The following AIPL1 variants were observed in gnomAD, a reference collection of about 807,000 sequenced individuals.
The protein encoded by AIPL1 is AIP like 1 HSP90 co-chaperone.
AIPL1 carries 23 observed loss-of-function variants against 32.9 expected under a neutral mutation model. The ratio of observed to expected loss-of-function variants is 0.70; its 90% CI spans 0.50 to 0.99. The LOEUF is 0.99. Ranked by LOEUF, AIPL1 falls within the 50% of genes least tolerant of loss-of-function variation. AIPL1 has a pLI of 0.00. For missense variants in AIPL1, 485 were observed against 506.0 expected (o/e 0.96, Z 0.40); for synonymous variants, 210 against 209.4 (o/e 1.00, Z -0.02).
At position 6,425,488 on chromosome 17, in the gene AIPL1, G is replaced by C. The variant is rs1333977042; in HGVS notation, c.1127C>G (p.Pro376Arg). The C allele has an allele frequency of 2.5e-6, 4 of 1,604,696 alleles. No homozygotes were observed. Among genetic ancestry groups the C allele is most frequent in the Non-Finnish European group, 2.5e-6 (3 of 1,177,926 alleles). ...PPAEPATEPP[P>R]SPGHSLQH ...GTGCTGCAGCGAGTGCCCTGGGGAC[G>C]GGGGTGGCTCTGTGGCTGGCTCTGC... The change falls in exon 6 of 6, where the codon CCG (proline) becomes CGG (arginine). Residue 376 changes from proline (P) to arginine (R), a missense_variant. Pro to Arg is a moderately radical substitution (Grantham distance 103). Coordinates refer to ENST00000381129, the MANE Select transcript of AIPL1 (RefSeq NM_014336.5).
intron 1 of AIPL1, 188 bp downstream of exon 1, chr17:6,434,821 G>T: frequency 9.6e-7 from 1 of 1,042,074 alleles, no homozygotes; most frequent in Non-Finnish European, 1.4e-6. Flanking sequence ...TGCTAAAGTT[G>T]AATCTGCAAA....
At chr17:6,432,110 C>CGTG (rs1912657153) in intron 2 of AIPL1, among the ~76,000 whole-genome samples, 1 of 152,144 alleles carries the variant, frequency 6.6e-6, no homozygotes, top group Admixed American at 6.5e-5. Flanking sequence ...GGAGGCCGAG[C>CGTG]GTGGTGGCTC....
In AIPL1 at chr17:6,429,148, G is replaced by A. The variant is rs78497296; in HGVS notation, c.277-642C>T. Among the ~76,000 whole-genome samples, 667 of 152,322 alleles carry A rather than the reference G, an allele frequency of 4.4e-3. 2 individuals are homozygous for A. The highest frequency in any genetic ancestry group is 8.0e-3 in the Admixed American group (123 of 15,306). Reference sequence around the variant, plus strand: ...GGCTCATCACAGCTTCAGCCAGCATGGGAGCTGAGTTTGCCACCCTTGGGA... The same window carrying A: ...GGCTCATCACAGCTTCAGCCAGCATAGGAGCTGAGTTTGCCACCCTTGGGA... On this transcript the variant is annotated intron_variant, in intron 2 of 5. Coordinates refer to ENST00000381129, the MANE Select transcript of AIPL1 (RefSeq NM_014336.5).
chr17:6,429,452 G>A (rs980201524), intron 2 of AIPL1, among the ~76,000 whole-genome samples: 6 of 152,208 alleles, frequency 3.9e-5, no homozygotes, highest in Non-Finnish European at 4.4e-5. Flanking sequence ...CCTCTTTATG[G>A]AAGAGACAAG....
chr17:6,432,094 AAAG>A (rs1220827406), intron 2 of AIPL1, among the ~76,000 whole-genome samples: 2 of 152,324 alleles, frequency 1.3e-5, no homozygotes, highest in East Asian at 3.9e-4. Context: ...GAAAAGAAGA[AAAG>A]AAGGAGGCCG....
In AIPL1 at chr17:6,428,498, C is replaced by A; in HGVS notation, c.285G>T (p.Gly95=). The part of the protein sequence containing the change: ...AEFWCDTIHT[G]VYPILSRSLR... ...GGCTCCGGGATAGGATGGGGTAGACCCCCGTGTGCTGTGGGGATAAACGGA... is the reference window on the plus strand; with the variant it reads ...GGCTCCGGGATAGGATGGGGTAGACACCCGTGTGCTGTGGGGATAAACGGA... Residue 95 remains glycine (G), a synonymous_variant, in exon 3 of 6, where the codon GGG becomes GGT. Coordinates refer to ENST00000381129, the MANE Select transcript of AIPL1 (RefSeq NM_014336.5). The A allele has an allele frequency of 6.2e-7, 1 of 1,613,926 alleles. No individual in the cohort carries two copies.
intron 1 of AIPL1, among the ~76,000 whole-genome samples, chr17:6,434,675 G>A (rs1054349561): frequency 2.6e-5 from 4 of 152,108 alleles, no homozygotes; most frequent in African/African-American, 9.7e-5. Flanking sequence ...GAATTCTGTA[G>A]CCACAGACGC....
In AIPL1 at chr17:6,428,402, G is replaced by A. The variant is rs147264906; in HGVS notation, c.381C>T (p.Phe127=). 2.9e-5 allele frequency: 46 copies of A among 1,613,110 alleles called. No individual in the cohort carries two copies. Among genetic ancestry groups the A allele is most frequent in the African/African-American group, 5.3e-5 (4 of 74,938 alleles). ...CCTCGTAGCCCAGCGTGTGGTAGGC[G>A]AACATGTTGGCCAGCCCGCACGTGT... is the stretch of plus-strand genomic sequence containing the variant. ...HVHTCGLANM[F]AYHTLGYEDL... The change falls in exon 3 of 6, where the codon TTC becomes TTT. Residue 127 remains phenylalanine, a synonymous_variant. Transcript: ENST00000381129.
rs773387922 is a variant in AIPL1 at position 6,435,055 on chromosome 17, A to G, written c.50T>C (p.Leu17Pro). The G allele has an allele frequency of 6.2e-7, 1 of 1,614,234 alleles. No homozygotes were observed. ...TGGGAGCTCGCCCGTGCCCCCGTGCAGAATGGTTTTCTTGACCCCTTCCAC... is the reference window on the plus strand; with the variant it reads ...TGGGAGCTCGCCCGTGCCCCCGTGCGGAATGGTTTTCTTGACCCCTTCCAC... ...LNVEGVKKTI[L>P]HGGTGELPNF... Residue 17 changes from leucine (L) to proline (P), a missense_variant, in exon 1 of 6, where the codon CTG becomes CCG. By Grantham distance (98) the Leu-to-Pro change is moderately conservative. Transcript: ENST00000381129.
intron 2 of AIPL1, among the ~76,000 whole-genome samples, chr17:6,433,611 TCA>T (rs541117064): frequency 0.014 from 1,442 of 106,060 alleles, 25 homozygotes; most frequent in East Asian, 0.077. Context: ...TCTCTCTCTC[TCA>T]CACACACACA....
intron 5 of AIPL1, 59 bp downstream of exon 5, chr17:6,426,556 T>A: frequency 6.4e-7 from 1 of 1,566,726 alleles, no homozygotes; most frequent in Non-Finnish European, 8.6e-7. Flanking sequence ...CTATGGCAGG[T>A]GTCTCCGTGG....
chr17:6,432,132 C>T (rs1567642345), intron 2 of AIPL1, among the ~76,000 whole-genome samples: 2 of 152,292 alleles, frequency 1.3e-5, no homozygotes, highest in African/African-American at 4.8e-5. Context: ...GGCCTGTAAT[C>T]CCAGCACTTT....
At chr17:6,426,388 C>T in intron 5 of AIPL1, 1 of 1,424,584 alleles carries the variant, frequency 7.0e-7, no homozygotes, top group Middle Eastern at 2.6e-4. Flanking sequence ...TGGCGAGCTT[C>T]CTGGGTAAGT....
chr17:6,425,786 C>A lies in AIPL1; in HGVS notation c.829G>T (p.Val277Leu). 6.2e-7 allele frequency: 1 copy of A among 1,606,236 alleles called. No individual in the cohort carries two copies. The highest frequency in any genetic ancestry group is 8.5e-7 in the Non-Finnish European group (1 of 1,179,954). Residue 277 changes from valine (V) to leucine (L), a missense_variant, in exon 6 of 6, where the codon GTG (valine) becomes TTG (leucine). Val to Leu is a conservative substitution (Grantham distance 32, BLOSUM62 1). Transcript: ENST00000381129. ...GCCTTGGCCTCGGCCTCATTCCACACCTCTGCGTGAGCCCGGGCACGCACG... is the reference window on the plus strand; with the variant it reads ...GCCTTGGCCTCGGCCTCATTCCACAACTCTGCGTGAGCCCGGGCACGCACG... ...YYVRARAHAE[V>L]WNEAEAKADL... is the part of the protein sequence containing the mutation.
intron 5 of AIPL1, 195 bp from the exon 6 acceptor site, chr17:6,426,025 T>C: frequency 9.5e-7 from 1 of 1,049,612 alleles, no homozygotes; most frequent in Non-Finnish European, 1.3e-6. Context: ...CCTCCTCTCC[T>C]TTTTAAGGCC....
In AIPL1 at chr17:6,426,304, C is replaced by A. The variant is rs1911944929; in HGVS notation, c.784+311G>T. 1.2e-5 allele frequency: 17 copies of A among 1,360,316 alleles called. No homozygotes were observed. In the South Asian group the frequency reaches 2.3e-4, roughly 19 times the overall value. The allele number at this position is 1,360,316 out of a possible 1,614,324, so 84.3% of individuals were successfully genotyped here. ...GCAACACCAGTACTAGTACCGACAT[C>A]ATAATATTTTTCCCTATATTGATTG... On this transcript the variant is annotated intron_variant, in intron 5 of 5. Coordinates refer to ENST00000381129, the MANE Select transcript of AIPL1 (RefSeq NM_014336.5).
chr17:6,433,611 T>TCTCTCTCTCTCTCTCTCTCTCTCACACA, intron 2 of AIPL1, among the ~76,000 whole-genome samples: 1 of 106,258 alleles, frequency 9.4e-6, no homozygotes, highest in Non-Finnish European at 1.9e-5. Flanking sequence ...TCTCTCTCTC[T>TCTCTCTCTCTCTCTCTCTCTCTCACACA]CACACACACA....
Position 6,433,858 on chromosome 17 carries a change from AGCG to A in AIPL1, c.276+58_276+60del, listed in dbSNP as rs1912874184. 18 of 1,572,388 alleles carry A rather than the reference AGCG, an allele frequency of 1.1e-5. No individual in the cohort carries two copies. The South Asian group carries it at 2.0e-4, about 18-fold the overall frequency. Reference sequence around the variant, plus strand: ...TTCCCGAAACACAGCAGCCCCGCAAAGCGGGTGGGTGAGCCCAGAAAAGACTAG... The same window carrying A: ...TTCCCGAAACACAGCAGCCCCGCAAAGGTGGGTGAGCCCAGAAAAGACTAG... On this transcript the variant is annotated intron_variant, in intron 2 of 5. Transcript: ENST00000381129.
chr17:6,426,567 C>A, intron 5 of AIPL1, 48 bp downstream of exon 5: 1 of 1,596,322 alleles, frequency 6.3e-7, no homozygotes, highest in South Asian at 1.1e-5. Context: ...GTCTCCGTGG[C>A]CCTGGGCTGG....
Sources: allele counts gnomAD v4.1 joint callset (sites outside exome capture counted in the v4.1 genomes callset), GRCh38; gene constraint gnomAD v4.1.1; transcripts MANE v1.5; gene names NCBI Gene and HGNC (gene_info 2026-07-23, HGNC 2026-07-21).